Variants in PDE4D observed in about 807,000 individuals in gnomAD.
The protein encoded by PDE4D is 3',5'-cyclic-AMP phosphodiesterase 4D.
Under a neutral mutation model 87.4 loss-of-function variants are expected in PDE4D, and 24 were observed. The ratio of observed to expected loss-of-function variants is 0.27; its 90% CI spans 0.20 to 0.39. The LOEUF (loss-of-function observed/expected upper bound fraction) is 0.39, where lower values mean the gene tolerates loss of function less well. Ranked by LOEUF, PDE4D falls within the 10% of genes least tolerant of loss-of-function variation. The probability of loss-of-function intolerance (pLI) is 1.00; values close to 1 mark genes in which losing one functional copy is unlikely to be tolerated. For missense variants in PDE4D, 714 were observed against 1,041.0 expected, an observed-to-expected ratio of 0.69 and a Z score of 4.32; for synonymous variants, 384 against 383.2, an observed-to-expected ratio of 1.00 and a Z score of -0.02.
chr5:60,474,545 AG>A (rs1350204421), intron 1 of PDE4D, among the ~76,000 whole-genome samples: 1 of 152,130 alleles, frequency 6.6e-6, no homozygotes, highest in Non-Finnish European at 1.5e-5. Flanking sequence ...GAGTTTGCAG[AG>A]GCTGGTAAAA....
intron 1 of PDE4D, among the ~76,000 whole-genome samples, chr5:59,316,167 A>G (rs892322640): frequency 1.3e-5 from 2 of 152,164 alleles, no homozygotes; most frequent in Non-Finnish European, 2.9e-5. Context: ...CTTGATCAAG[A>G]GGTACATGAA....
chr5:59,937,850 C>T (rs1756768627), intron 3 of PDE4D, among the ~76,000 whole-genome samples: 1 of 152,188 alleles, frequency 6.6e-6, no homozygotes, highest in Non-Finnish European at 1.5e-5. Context: ...TCATGGCAGG[C>T]TGGCTCAAGA....
intron 1 of PDE4D, among the ~76,000 whole-genome samples, chr5:59,253,259 A>G (rs1313809388): frequency 6.6e-6 from 1 of 152,212 alleles, no homozygotes; most frequent in Non-Finnish European, 1.5e-5. Flanking sequence ...AAAATAAACA[A>G]TAGTGCTGCC....
intron 1 of PDE4D, among the ~76,000 whole-genome samples, chr5:60,416,764 T>G (rs1024444278): frequency 6.6e-6 from 1 of 152,194 alleles, no homozygotes; most frequent in Non-Finnish European, 1.5e-5. Flanking sequence ...GAAATTAATA[T>G]CCAAGACTCT....
intron 1 of PDE4D, among the ~76,000 whole-genome samples, chr5:59,731,464 AGTTT>A (rs1420316387): frequency 6.6e-6 from 1 of 152,156 alleles, no homozygotes; most frequent in Non-Finnish European, 1.5e-5. Context: ...TACTAGCCCT[AGTTT>A]GCTACCTCCT....
intron 5 of PDE4D, among the ~76,000 whole-genome samples, chr5:59,058,401 TATA>T (rs1762653672): frequency 6.6e-6 from 1 of 152,180 alleles, no homozygotes; most frequent in Non-Finnish European, 1.5e-5. Context: ...TCCAGATGCC[TATA>T]ATGACTATCA....
chr5:59,899,483 A>AAT (rs35237122), intron 3 of PDE4D, among the ~76,000 whole-genome samples: 19,988 of 150,494 alleles, frequency 0.13, 1,689 homozygotes, highest in Middle Eastern at 0.26. Context: ...TTAAGTGGTA[A>AAT]ATATATATAT....
At chr5:59,338,285 C>G (rs1778086034) in intron 1 of PDE4D, among the ~76,000 whole-genome samples, 1 of 152,178 alleles carries the variant, frequency 6.6e-6, no homozygotes, top group South Asian at 2.1e-4. Flanking sequence ...CTATATGGCA[C>G]AGCAGAAACA....
intron 2 of PDE4D, among the ~76,000 whole-genome samples, chr5:60,144,255 T>C (rs571018626): frequency 6.6e-6 from 1 of 152,326 alleles, no homozygotes; most frequent in African/African-American, 2.4e-5. Context: ...ATCTGCTCAT[T>C]CCCAGATCTC....
At chr5:60,174,930 T>C (rs1442625897) in intron 2 of PDE4D, among the ~76,000 whole-genome samples, 1 of 152,126 alleles carries the variant, frequency 6.6e-6, no homozygotes, top group Non-Finnish European at 1.5e-5. Flanking sequence ...TTGATATACT[T>C]GGAGATTTTG....
At chr5:59,170,315 C>A (rs773443657) in intron 5 of PDE4D, among the ~76,000 whole-genome samples, 11 of 152,160 alleles carry the variant, frequency 7.2e-5, no homozygotes, top group Admixed American at 2.0e-4. Context: ...CTGCACCCAG[C>A]CCTAAGGGTA....
chr5:59,708,146 C>T (rs1428946368), intron 1 of PDE4D, among the ~76,000 whole-genome samples: 1 of 152,102 alleles, frequency 6.6e-6, no homozygotes, highest in Non-Finnish European at 1.5e-5. Flanking sequence ...TTAATAATGG[C>T]CATTCTGACT....
chr5:59,468,400 T>C (rs1258569347), intron 1 of PDE4D, among the ~76,000 whole-genome samples: 1 of 152,146 alleles, frequency 6.6e-6, no homozygotes, highest in Non-Finnish European at 1.5e-5. Context: ...GCATTTTCTT[T>C]CAGCATTAAG....
intron 1 of PDE4D, among the ~76,000 whole-genome samples, chr5:59,808,494 A>T (rs73758893): frequency 0.012 from 1,818 of 152,234 alleles, 43 homozygotes; most frequent in African/African-American, 0.041. Flanking sequence ...CTGCTAATAA[A>T]CCAGCAGTAC....
At chr5:60,045,007 C>T (rs2152872154) in intron 2 of PDE4D, among the ~76,000 whole-genome samples, 1 of 152,282 alleles carries the variant, frequency 6.6e-6, no homozygotes, top group African/African-American at 2.4e-5. Flanking sequence ...CCTATTTATC[C>T]ACATCCTCTC....
At chr5:59,528,614 G>A (rs1255987337) in intron 1 of PDE4D, among the ~76,000 whole-genome samples, 2 of 152,102 alleles carry the variant, frequency 1.3e-5, no homozygotes, top group African/African-American at 4.8e-5. Context: ...TCTCTATGAT[G>A]TTCTGAGCTA....
chr5:59,459,272 T>A (rs986996308), intron 1 of PDE4D, among the ~76,000 whole-genome samples: 1 of 152,202 alleles, frequency 6.6e-6, no homozygotes, highest in Admixed American at 6.5e-5. Context: ...AAAGTATTCA[T>A]TTGGGAAGCA....
intron 1 of PDE4D, among the ~76,000 whole-genome samples, chr5:60,292,676 A>G (rs879856229): frequency 1.4e-4 from 21 of 152,334 alleles, no homozygotes; most frequent in Middle Eastern, 3.4e-3. Context: ...CAAAAAGTAT[A>G]TGTAAAATAT....
chr5:59,981,088 C>G (rs1381243853), intron 3 of PDE4D, among the ~76,000 whole-genome samples: 1 of 151,982 alleles, frequency 6.6e-6, no homozygotes, highest in Non-Finnish European at 1.5e-5. Context: ...CCCATTTCTA[C>G]TAAAAATACA....
Sources: gnomAD v4.1 joint callset for allele counts (sites outside exome capture counted in the v4.1 genomes callset) on GRCh38, gnomAD v4.1.1 for gene constraint, MANE v1.5 for transcripts, NCBI Gene and HGNC (gene_info 2026-07-23, HGNC 2026-07-21) for gene names.